ETNK2: variants seen among roughly 807,000 people sequenced by gnomAD.
ETNK2 encodes ethanolamine kinase-like protein.
Under a neutral mutation model 46.2 loss-of-function variants are expected in ETNK2, and 33 were observed. The observed-to-expected ratio is 0.71, with a 90% CI of 0.54 to 0.96. The LOEUF is 0.96. Among genes scored for constraint, ETNK2 ranks in the 40% least tolerant of loss-of-function variants. ETNK2 has a pLI of 0.00. For synonymous variants in ETNK2, 194 were observed against 209.0 expected (o/e 0.93, Z 0.62); for missense variants, 445 against 509.7 (o/e 0.87, Z 1.22).
At position 204,136,403 on chromosome 1, in the gene ETNK2, G is replaced by GTATATATATATATA. The variant is rs35373627; in HGVS notation, c.1014+687_1014+700dup. Among the ~76,000 whole-genome samples the GTATATATATATATA allele has an allele frequency of 8.0e-4, 112 of 139,808 alleles. 1 individual carries two copies. The highest frequency in any genetic ancestry group is 3.6e-3 in the Middle Eastern group (1 of 278). The allele number at this position is 139,808 out of a possible 152,430, so 91.7% of individuals were successfully genotyped here. On this transcript the variant is annotated intron_variant, in intron 6 of 7. Coordinates refer to ENST00000367202, the MANE Select transcript of ETNK2 (RefSeq NM_018208.4). The stretch of plus-strand genomic sequence containing the variant: ...AGAGCGGGACCCTGTCTCAAAAAAA[G>GTATATATATATATA]TATATATATATATATATATATATAT...
At chr1:204,137,454 C>T (rs1657334916) in intron 5 of ETNK2, among the ~76,000 whole-genome samples, 1 of 152,142 alleles carries the variant, frequency 6.6e-6, no homozygotes, top group South Asian at 2.1e-4. Context: ...GCTAGGAGCA[C>T]TGTTTCTGTG....
At chr1:204,134,914 T>C (rs1657224526) in intron 6 of ETNK2, among the ~76,000 whole-genome samples, 1 of 152,150 alleles carries the variant, frequency 6.6e-6, no homozygotes. Flanking sequence ...CACCTCTGGT[T>C]TCTTCCCTAT....
rs76064822 is a variant in ETNK2, at chr1:204,145,089, G to C, written c.641+1553C>G. Among the ~76,000 whole-genome samples the C allele has an allele frequency of 3.3e-3, 500 of 152,324 alleles. 2 individuals carry two copies. Among genetic ancestry groups the C allele is most frequent in the African/African-American group, 0.011 (475 of 41,564 alleles). ...TTAGGCAATGCCTGGAGCTCCAGGT[G>C]CTTATCTCGTCTAAATGATTGCTCA... On this transcript the variant is annotated intron_variant, in intron 3 of 7. Coordinates refer to ENST00000367202, the MANE Select transcript of ETNK2 (RefSeq NM_018208.4).
intron 7 of ETNK2, among the ~76,000 whole-genome samples, chr1:204,133,356 T>A (rs1657143894): frequency 6.6e-6 from 1 of 152,148 alleles, no homozygotes; most frequent in South Asian, 2.1e-4. Context: ...AGCTCACCAT[T>A]TTACATTCCT....
Position 204,151,491 on chromosome 1 carries a change from G to A in ETNK2, c.258+104C>T. 6.9e-7 allele frequency: 1 copy of A among 1,449,528 alleles called. No homozygotes were observed. Among genetic ancestry groups the A allele is most frequent in the African/African-American group, 1.5e-5 (1 of 68,270 alleles). The allele number at this position is 1,449,528 out of a possible 1,614,324, so 89.8% of individuals were successfully genotyped here. ...CAAACCTTTCTTGCGCAGCAGCCGC[G>A]CACCCCTGGGACTGACACCCGGAAG... On this transcript the variant is annotated intron_variant, in intron 1 of 7. Coordinates refer to ENST00000367202, the MANE Select transcript of ETNK2 (RefSeq NM_018208.4). The surrounding 1 kb of genome is among the most constrained non-coding windows in gnomAD (Gnocchi z 8.0).
rs61825753 is a variant in ETNK2, at chr1:204,137,188, G to C, written c.930C>G (p.His310Gln). The C allele has an allele frequency of 5.6e-4, 896 of 1,613,968 alleles. 2 individuals are homozygous for C. Among genetic ancestry groups the C allele is most frequent in the Middle Eastern group, 1.3e-3 (8 of 6,060 alleles). Residue 310 changes from histidine (H) to glutamine (Q), a missense_variant, in exon 6 of 8, where the codon CAC becomes CAG. His to Gln is a conservative substitution (Grantham distance 24). Transcript: ENST00000367202. ...TCCCCTTTTGTGCCTGCAGGTAGTA[G>C]TGCAGCCACTGCAGCTGGGTCTCCC... ...PARETQLQWL[H>Q]YYLQAQKGMA...
intron 4 of ETNK2, chr1:204,140,998 A>ATT (rs570706376): frequency 7.7e-6 from 3 of 389,224 alleles, no homozygotes; most frequent in Non-Finnish European, 9.8e-6. Context: ...AGTTTTGTGT[A>ATT]TTTTTTTTGT....
intron 7 of ETNK2, among the ~76,000 whole-genome samples, chr1:204,132,688 C>G (rs1347011894): frequency 6.6e-6 from 1 of 152,066 alleles, no homozygotes; most frequent in African/African-American, 2.4e-5. Context: ...CTGCCATGGC[C>G]TCCCAAAGTA....
chr1:204,137,329 T>G, intron 5 of ETNK2, 80 bp from the exon 6 acceptor site: 2 of 1,506,604 alleles, frequency 1.3e-6, no homozygotes, highest in Non-Finnish European at 1.8e-6. Flanking sequence ...GGTGTTCCCA[T>G]CTCCCCTCAA....
At position 204,148,569 on chromosome 1, in the gene ETNK2, G is replaced by GACACAC. The variant is rs61199759; in HGVS notation, c.518+1128_518+1133dup. On this transcript the variant is annotated intron_variant, in intron 2 of 7. Transcript: ENST00000367202. Reference sequence around the variant, plus strand: ...GTCTGTATGCCTCTCACACCCTCAAGACACACACACACACACACACACACA... The same window carrying GACACAC: ...GTCTGTATGCCTCTCACACCCTCAAGACACACACACACACACACACACACACACACA... Among the ~76,000 whole-genome samples the GACACAC allele has an allele frequency of 3.7e-3, 542 of 145,314 alleles. 1 individual carries two copies. Among genetic ancestry groups the GACACAC allele is most frequent in the Non-Finnish European group, 5.2e-3 (343 of 66,270 alleles).
At position 204,132,266 on chromosome 1, in the gene ETNK2, A is replaced by G; in HGVS notation, c.1089-10T>C. ...TCGGATCACTGCGTACCTGTGGGGAAGACAGAAGGAAGCTGGGTGTGAGGA... is the reference window on the plus strand; with the variant it reads ...TCGGATCACTGCGTACCTGTGGGGAGGACAGAAGGAAGCTGGGTGTGAGGA... On this transcript the variant is annotated splice_polypyrimidine_tract_variant and intron_variant, in intron 7 of 7. Transcript: ENST00000367202. The G allele has an allele frequency of 6.4e-7, 1 of 1,563,650 alleles. No homozygotes were observed. The highest frequency in any genetic ancestry group is 1.2e-5 in the South Asian group (1 of 84,718).
At chr1:204,138,043 C>G (rs1297443977) in intron 5 of ETNK2, among the ~76,000 whole-genome samples, 1 of 152,200 alleles carries the variant, frequency 6.6e-6, no homozygotes, top group East Asian at 1.9e-4. Context: ...TCTTCTTGTC[C>G]TTCTCAAGCT....
rs756213388 is a variant in ETNK2, at chr1:204,132,243, G to C, written c.1102C>G (p.Arg368Gly). 4 of 1,569,596 alleles carry C rather than the reference G, an allele frequency of 2.5e-6. No individual in the cohort carries two copies. Among genetic ancestry groups the C allele is most frequent in the Non-Finnish European group, 1.7e-6 (2 of 1,157,016 alleles). The change falls in exon 8 of 8, where the codon CGA (arginine) becomes GGA (glycine). Residue 368 changes from arginine (R) to glycine (G), a missense_variant. Coordinates refer to ENST00000367202, the MANE Select transcript of ETNK2 (RefSeq NM_018208.4). ...DFDFLRYAVI[R>G]FNQYFKVKPQ... ...TTCACCTTGAAGTACTGGTTGAATC[G>C]GATCACTGCGTACCTGTGGGGAAGA...
chr1:204,144,362 A>AAAAAAAAAAAAAAAAAAAAAAAAC (rs1657694853), intron 3 of ETNK2, among the ~76,000 whole-genome samples: 2 of 149,654 alleles, frequency 1.3e-5, no homozygotes, highest in East Asian at 1.9e-4. Flanking sequence ...AAAAAAAAAA[A>AAAAAAAAAAAAAAAAAAAAAAAAC]AAAAAAAGCC....
chr1:204,147,605 AACAT>A (rs1395876248), intron 2 of ETNK2: 2 of 523,360 alleles, frequency 3.8e-6, no homozygotes, highest in South Asian at 2.8e-5. Context: ...GCTTCCTTCC[AACAT>A]ACAGCCTCTG....
At chr1:204,138,607 C>T (rs1252832482) in intron 5 of ETNK2, 1 of 152,238 alleles carries the variant, frequency 6.6e-6, no homozygotes. Flanking sequence ...CATTGCTCGA[C>T]AGATTGATCA....
At chr1:204,141,281 C>T (rs1657518487) in intron 4 of ETNK2, 34 bp downstream of exon 4, 1 of 1,613,962 alleles carries the variant, frequency 6.2e-7, no homozygotes. Context: ...CCAACCAAAA[C>T]CCTGCTGCTG....
At chr1:204,143,810 C>A (rs1378278132) in intron 3 of ETNK2, among the ~76,000 whole-genome samples, 1 of 152,202 alleles carries the variant, frequency 6.6e-6, no homozygotes. Flanking sequence ...ACCAACCCAC[C>A]CACCAGTATC....
chr1:204,136,713 CAAA>C (rs1345415026), intron 6 of ETNK2, among the ~76,000 whole-genome samples: 3 of 80,066 alleles, frequency 3.7e-5, no homozygotes, highest in South Asian at 3.3e-4. Context: ...GACTCTGCCT[CAAA>C]AAAAAAAAAA....
Sources: gnomAD v4.1 joint callset for allele counts (sites outside exome capture counted in the v4.1 genomes callset) on GRCh38, gnomAD v4.1.1 for gene constraint, Gnocchi (gnomAD v3.1) non-coding constraint, MANE v1.5 for transcripts, NCBI Gene and HGNC (gene_info 2026-07-23, HGNC 2026-07-21) for gene names.